The following CDCA7L variants were observed in gnomAD, a reference collection of about 807,000 sequenced individuals.
The protein encoded by CDCA7L is cell division cycle associated 7 like.
In CDCA7L, 44 loss-of-function variants were observed where a neutral mutation model predicts 57.4. The ratio of observed to expected loss-of-function variants is 0.77; its 90% CI spans 0.60 to 0.98. The LOEUF is 0.98. CDCA7L is among the 50% of genes least tolerant of loss of function. The pLI, the probability that CDCA7L is intolerant of heterozygous loss-of-function variation, is 0.00. For synonymous variants in CDCA7L, 236 were observed against 202.8 expected, an observed-to-expected ratio of 1.16 and a Z score of -1.39; for missense variants, 644 against 580.6, an observed-to-expected ratio of 1.11 and a Z score of -1.12.
chr7:21,945,036 T>C (rs570713856), intron 1 of CDCA7L, among the ~76,000 whole-genome samples: 3 of 152,270 alleles, frequency 2.0e-5, no homozygotes, highest in South Asian at 2.1e-4. Flanking sequence ...TACGATAACG[T>C]AGAGAAAAGC....
chr7:21,945,759 C>CGGCG (rs1562641741), intron 1 of CDCA7L, 22 bp downstream of exon 1: 1 of 1,598,994 alleles, frequency 6.3e-7, no homozygotes, highest in Middle Eastern at 1.7e-4. Context: ...GTCCGGACGG[C>CGGCG]GGCGGGCGGC....
At position 21,906,296 on chromosome 7, in the gene CDCA7L, G is replaced by T. The variant is rs1785136411; in HGVS notation, c.914C>A (p.Thr305Lys). 1 of 1,595,526 alleles carries T rather than the reference G, an allele frequency of 6.3e-7. No individual in the cohort carries two copies. Among genetic ancestry groups the T allele is most frequent in the Non-Finnish European group, 8.5e-7 (1 of 1,171,518 alleles). ...GTATTAGTCAGAAAATACCCCAATTGTCTTCCTTCTTCGGAAGCTGTAAAA... is the reference window on the plus strand; with the variant it reads ...GTATTAGTCAGAAAATACCCCAATTTTCTTCCTTCTTCGGAAGCTGTAAAA... The part of the protein sequence containing the change: ...EEFYSFRRRK[T>K]IGGKCREYRR... The change falls in exon 6 of 10, where the codon ACA becomes AAA. Residue 305 changes from threonine (T) to lysine (K), a missense_variant. Coordinates refer to ENST00000406877, the MANE Select transcript of CDCA7L (RefSeq NM_018719.5).
chr7:21,902,696 GTTTGTTTGTTCC>G, intron 9 of CDCA7L: 1 of 212,436 alleles, frequency 4.7e-6, no homozygotes, highest in Non-Finnish European at 9.5e-6. Context: ...AGCCTGCCTT[GTTTGTTTGTTCC>G]TTCCATTTCT....
Position 21,900,944 on chromosome 7 carries a change from ACTTG to A in CDCA7L, c.*1374_*1377del, listed in dbSNP as rs1277026045. ...GAATGTTTATTGCATCAAACAACTTACTTGATCATTATCATTAGTAGCAAGCTGC... is the reference window on the plus strand; with the variant it reads ...GAATGTTTATTGCATCAAACAACTTAATCATTATCATTAGTAGCAAGCTGC... On this transcript the variant is annotated 3_prime_UTR_variant, in exon 10 of 10. Coordinates refer to ENST00000406877, the MANE Select transcript of CDCA7L (RefSeq NM_018719.5). 1.8e-5 allele frequency: 16 copies of A among 868,776 alleles called. No individual in the cohort carries two copies. The highest frequency in any genetic ancestry group is 2.5e-5 in the Non-Finnish European group (16 of 638,476). 53.8% of individuals were successfully genotyped at this position (868,776 alleles called of 1,614,324 possible). A position where few individuals can be genotyped will look rare whatever the true frequency, so the allele number is the denominator to read the frequency against.
At chr7:21,944,873 TG>T (rs1301135850) in intron 1 of CDCA7L, 2 of 131,328 alleles carry the variant, frequency 1.5e-5, no homozygotes, top group African/African-American at 5.8e-5. Flanking sequence ...ATAAAACAAG[TG>T]GAAAAAAAAA....
chr7:21,929,631 C>CAAAAAAAAAAAAAAAAAAA (rs57283961), intron 1 of CDCA7L, among the ~76,000 whole-genome samples: 1 of 35,510 alleles, frequency 2.8e-5, no homozygotes, highest in African/African-American at 1.5e-4. Context: ...AAATGGAAAG[C>CAAAAAAAAAAAAAAAAAAA]AAAAAAAAAA....
chr7:21,918,078 G>C (rs949299508), intron 1 of CDCA7L, among the ~76,000 whole-genome samples: 1 of 152,106 alleles, frequency 6.6e-6, no homozygotes, highest in African/African-American at 2.4e-5. Context: ...CTCATGATTA[G>C]ATTCAGGTTA....
At chr7:21,906,490 G>T in intron 5 of CDCA7L, 34 bp from the exon 6 acceptor site, 1 of 1,611,210 alleles carries the variant, frequency 6.2e-7, no homozygotes, top group Non-Finnish European at 8.5e-7. Flanking sequence ...GACAACTGGG[G>T]ACTCTCTCGA....
At chr7:21,907,100 T>C (rs547519211) in intron 4 of CDCA7L, among the ~76,000 whole-genome samples, 2 of 152,098 alleles carry the variant, frequency 1.3e-5, no homozygotes, top group East Asian at 3.8e-4. Flanking sequence ...TAATTTCTCA[T>C]CAATCAAAGT....
At position 21,906,474 on chromosome 7, in the gene CDCA7L, G is replaced by C; in HGVS notation, c.754-18C>G. On this transcript the variant is annotated intron_variant, in intron 5 of 9. Transcript: ENST00000406877. ...TTCTTCCTCTGAAATCAAGAGCACA[G>C]ACAGAGACAACTGGGGACTCTCTCG... 6.2e-7 allele frequency: 1 copy of C among 1,610,216 alleles called. No individual in the cohort carries two copies. Among genetic ancestry groups the C allele is most frequent in the Non-Finnish European group, 8.5e-7 (1 of 1,177,154 alleles).
chr7:21,905,165 A>G (rs1228144422), intron 7 of CDCA7L, among the ~76,000 whole-genome samples: 1 of 152,246 alleles, frequency 6.6e-6, no homozygotes, highest in Non-Finnish European at 1.5e-5. Flanking sequence ...TTTAATTTCT[A>G]TGGTTATATT....
At chr7:21,902,460 T>A (rs1784945494) in intron 9 of CDCA7L, 108 bp from the exon 10 acceptor site, 1 of 1,048,994 alleles carries the variant, frequency 9.5e-7, no homozygotes, top group Admixed American at 1.7e-5. Flanking sequence ...AGAACCCAGA[T>A]CTCCTGACAC....
At chr7:21,944,641 G>A (rs535506608) in intron 1 of CDCA7L, 2 of 152,118 alleles carry the variant, frequency 1.3e-5, no homozygotes, top group East Asian at 1.9e-4. Context: ...ACCATTTTCA[G>A]GAAGGCTTCA....
chr7:21,906,205 C>T, intron 6 of CDCA7L, 84 bp downstream of exon 6: 4 of 1,382,196 alleles, frequency 2.9e-6, no homozygotes, highest in Non-Finnish European at 4.0e-6. Flanking sequence ...TCAGAACCAG[C>T]CCTGGGGTGA....
Position 21,902,332 on chromosome 7 carries a change from T to TCTACCA in CDCA7L, c.1349_1354dup (p.Val451_Glu452insValVal). 6.2e-7 allele frequency: 1 copy of TCTACCA among 1,613,892 alleles called. No individual in the cohort carries two copies. Among genetic ancestry groups the TCTACCA allele is most frequent in the Non-Finnish European group, 8.5e-7 (1 of 1,179,814 alleles). ...CTGTTTGTTTTCCTCTTAATTGTCT[T>TCTACCA]CTACCAGCTCCTTTTGTAAGCTGGG... On this transcript the variant is annotated inframe_insertion, in exon 10 of 10. Transcript: ENST00000406877.
intron 1 of CDCA7L, among the ~76,000 whole-genome samples, chr7:21,927,347 G>A (rs1189371118): frequency 6.6e-6 from 1 of 152,120 alleles, no homozygotes; most frequent in Non-Finnish European, 1.5e-5. Context: ...CAGAAATTAT[G>A]GAGCTGAAAA....
intron 1 of CDCA7L, among the ~76,000 whole-genome samples, chr7:21,943,373 T>C (rs1430568837): frequency 2.0e-5 from 3 of 152,242 alleles, no homozygotes; most frequent in African/African-American, 4.8e-5. Context: ...CACTTAGCTC[T>C]GCGCTTTCCA....
At chr7:21,928,919 A>G (rs1252313241) in intron 1 of CDCA7L, among the ~76,000 whole-genome samples, 2 of 152,202 alleles carry the variant, frequency 1.3e-5, no homozygotes, top group Non-Finnish European at 2.9e-5. Context: ...CAACCTAGCA[A>G]GACAGGCCAA....
chr7:21,919,543 G>A (rs2128063038), intron 1 of CDCA7L, among the ~76,000 whole-genome samples: 1 of 152,200 alleles, frequency 6.6e-6, no homozygotes, highest in South Asian at 2.1e-4. Context: ...GGTTAATTAA[G>A]TATCACTGCT....
Sources: allele counts gnomAD v4.1 joint callset (sites outside exome capture counted in the v4.1 genomes callset), GRCh38; gene constraint gnomAD v4.1.1; transcripts MANE v1.5; gene names NCBI Gene and HGNC (gene_info 2026-07-23, HGNC 2026-07-21).